Variants in MAP3K7CL observed in about 807,000 individuals in gnomAD.
MAP3K7CL encodes MAP3K7 C-terminal-like protein.
In MAP3K7CL, 16 loss-of-function variants were observed where a neutral mutation model predicts 18.6. That is an observed-to-expected ratio of 0.86 (90% CI 0.58 to 1.31). The LOEUF (loss-of-function observed/expected upper bound fraction) is 1.31. Among genes scored for constraint, MAP3K7CL ranks in the 50% most tolerant of loss-of-function variants. The pLI, the probability that MAP3K7CL is intolerant of heterozygous loss-of-function variation, is 0.00. For synonymous variants in MAP3K7CL, 65 were observed against 66.8 expected (o/e 0.97, Z 0.13); for missense variants, 163 against 174.4 (o/e 0.93, Z 0.37).
chr21:29,102,540 C>T (rs1240474675), intron 4 of MAP3K7CL: 1 of 146,594 alleles, frequency 6.8e-6, no homozygotes, highest in East Asian at 2.0e-4. Flanking sequence ...TGGTCTGGAA[C>T]TCCTGAGCTC....
intron 4 of MAP3K7CL, among the ~76,000 whole-genome samples, chr21:29,172,390 A>C (rs1299032989): frequency 2.0e-5 from 3 of 152,140 alleles, no homozygotes; most frequent in Non-Finnish European, 2.9e-5. Context: ...CAGGAATACC[A>C]CAGAAATGAT....
At chr21:29,160,174 A>C in intron 4 of MAP3K7CL, 118 bp downstream of exon 4, 1 of 672,690 alleles carries the variant, frequency 1.5e-6, no homozygotes, top group Non-Finnish European at 2.5e-6. Context: ...GGGTTACAGC[A>C]ATGATTCAAG....
intron 3 of MAP3K7CL, among the ~76,000 whole-genome samples, chr21:29,149,651 C>A (rs2087224301): frequency 6.6e-6 from 1 of 152,202 alleles, no homozygotes; most frequent in Non-Finnish European, 1.5e-5. Context: ...TTGGAATAAT[C>A]TTCCTTTCTC....
intron 4 of MAP3K7CL, among the ~76,000 whole-genome samples, chr21:29,095,856 C>T (rs976049923): frequency 6.6e-6 from 1 of 152,136 alleles, no homozygotes; most frequent in Non-Finnish European, 1.5e-5. Flanking sequence ...AAGGAATTAA[C>T]AATTTCATTT....
upstream of MAP3K7CL, among the ~76,000 whole-genome samples, chr21:29,128,634 G>A (rs2086723446): frequency 1.3e-5 from 2 of 152,172 alleles, no homozygotes; most frequent in African/African-American, 4.8e-5. Context: ...GCATCCTGGT[G>A]TAGTGGAAGT....
chr21:29,145,928 G>A (rs2087118412), intron 2 of MAP3K7CL, among the ~76,000 whole-genome samples: 1 of 151,966 alleles, frequency 6.6e-6, no homozygotes, highest in Non-Finnish European at 1.5e-5. Flanking sequence ...AAGTTTATCA[G>A]TATGGTCACA....
At chr21:29,147,935 T>C (rs973492036) in intron 2 of MAP3K7CL, among the ~76,000 whole-genome samples, 2 of 147,874 alleles carry the variant, frequency 1.4e-5, no homozygotes, top group Non-Finnish European at 3.0e-5. Flanking sequence ...TGTGTATGTA[T>C]CTGTACTGTA....
At chr21:29,135,677 C>A (rs16983765) in intron 2 of MAP3K7CL, among the ~76,000 whole-genome samples, 4,080 of 152,234 alleles carry the variant, frequency 0.027, 140 homozygotes, top group East Asian at 0.17. Flanking sequence ...TCTCTTGGCC[C>A]TTGACTAGGA....
rs1319369578 is a variant in MAP3K7CL, at chr21:29,134,471, G to GT, written c.70+1058dup. 5.9e-5 allele frequency among the ~76,000 whole-genome samples: 9 copies of GT among 152,326 alleles called. No individual in the cohort carries two copies. In the South Asian group the frequency reaches 1.9e-3, roughly 32 times the overall value. On this transcript the variant is annotated intron_variant, in intron 2 of 4. Transcript: ENST00000399928. Reference sequence around the variant, plus strand: ...TGCAGGCTTGGGGTTACTATGCCAGGTGACACATTTAACCTGGAGTTTCCT... The same window carrying GT: ...TGCAGGCTTGGGGTTACTATGCCAGGTTGACACATTTAACCTGGAGTTTCCT...
intron 1 of MAP3K7CL, 49 bp from the exon 2 acceptor site, chr21:29,133,256 AG>A: frequency 7.1e-7 from 1 of 1,409,544 alleles, no homozygotes; most frequent in Non-Finnish European, 9.8e-7. Flanking sequence ...CTGAGTATTT[AG>A]GGGGATGATG....
intron 4 of MAP3K7CL, among the ~76,000 whole-genome samples, chr21:29,095,904 AT>A (rs1285569231): frequency 6.6e-6 from 1 of 152,222 alleles, no homozygotes; most frequent in African/African-American, 2.4e-5. Flanking sequence ...ACACAAAACA[AT>A]TAGGGCAGTG....
intron 4 of MAP3K7CL, chr21:29,109,250 A>G (rs1190453393): frequency 6.5e-7 from 1 of 1,534,742 alleles, no homozygotes; most frequent in South Asian, 1.2e-5. Flanking sequence ...GAAATTCCAT[A>G]TATACAACCA....
At chr21:29,164,397 T>C (rs901014311) in intron 4 of MAP3K7CL, among the ~76,000 whole-genome samples, 8 of 152,236 alleles carry the variant, frequency 5.3e-5, no homozygotes, top group African/African-American at 1.7e-4. Flanking sequence ...TTATGTTGCC[T>C]CTAGCTTGGC....
intron 4 of MAP3K7CL, among the ~76,000 whole-genome samples, chr21:29,171,817 A>C (rs1301972425): frequency 6.6e-6 from 1 of 151,398 alleles, no homozygotes; most frequent in Non-Finnish European, 1.5e-5. Flanking sequence ...AAAAAAAAAA[A>C]AAAAAAAAAA....
rs191312438 is a variant in MAP3K7CL at position 29,080,026 on chromosome 21, C to T, written c.-49+2313C>T. 7.2e-5 allele frequency among the ~76,000 whole-genome samples: 11 copies of T among 152,234 alleles called. No individual in the cohort carries two copies. The East Asian group carries it at 1.9e-3, about 27-fold the overall frequency. On this transcript the variant is annotated intron_variant, in intron 1 of 7. Transcript: ENST00000341618. ...GAGAAGGGTGAAATGGAATGAGATG[C>T]ATTTAAATCCTATTGGTGATACCTT...
At chr21:29,164,060 A>G (rs985024278) in intron 4 of MAP3K7CL, among the ~76,000 whole-genome samples, 2 of 151,108 alleles carry the variant, frequency 1.3e-5, no homozygotes, top group Admixed American at 1.3e-4. Flanking sequence ...AGATCACACC[A>G]TTGCACTCCA....
chr21:29,141,684 A>G (rs1373219717), intron 2 of MAP3K7CL, among the ~76,000 whole-genome samples: 1 of 152,198 alleles, frequency 6.6e-6, no homozygotes, highest in East Asian at 1.9e-4. Context: ...CTGCTTTGTC[A>G]TCCCAAATCT....
intron 2 of MAP3K7CL, among the ~76,000 whole-genome samples, chr21:29,135,463 A>G (rs2086866093): frequency 6.6e-6 from 1 of 152,232 alleles, no homozygotes; most frequent in South Asian, 2.1e-4. Flanking sequence ...AAATTTCAGT[A>G]TATAAAGCTT....
chr21:29,167,415 A>G (rs2073657001), intron 4 of MAP3K7CL, among the ~76,000 whole-genome samples: 1 of 152,238 alleles, frequency 6.6e-6, no homozygotes, highest in African/African-American at 2.4e-5. Context: ...ATCTAGGGGA[A>G]CATATCAGGA....
Sources: allele counts gnomAD v4.1 joint callset (sites outside exome capture counted in the v4.1 genomes callset), GRCh38; gene constraint gnomAD v4.1.1; transcripts MANE v1.5; gene names NCBI Gene and HGNC (gene_info 2026-07-23, HGNC 2026-07-21).